Variants in TRIM69 observed in about 807,000 individuals in gnomAD.
TRIM69 encodes E3 ubiquitin-protein ligase TRIM69.
Under a neutral mutation model 37.7 loss-of-function variants are expected in TRIM69, and 29 were observed. The observed-to-expected ratio is 0.77, with a 90% CI of 0.57 to 1.05. The LOEUF (loss-of-function observed/expected upper bound fraction) is 1.05. Ranked by LOEUF, TRIM69 falls within the 50% of genes least tolerant of loss-of-function variation. The probability of loss-of-function intolerance (pLI) is 0.00; values close to 1 mark genes in which losing one functional copy is unlikely to be tolerated. For synonymous variants in TRIM69, 209 were observed against 212.4 expected, an observed-to-expected ratio of 0.98 and a Z score of 0.14; for missense variants, 596 against 579.9, an observed-to-expected ratio of 1.03 and a Z score of -0.28.
intron 1 of TRIM69, among the ~76,000 whole-genome samples, chr15:44,739,734 A>T (rs2087240927): frequency 6.6e-6 from 1 of 151,790 alleles, no homozygotes; most frequent in South Asian, 2.1e-4. Context: ...GGGAAGCTCG[A>T]ACTGGGTGGA....
At chr15:44,741,323 A>G (rs1233212671) in intron 1 of TRIM69, among the ~76,000 whole-genome samples, 2 of 152,044 alleles carry the variant, frequency 1.3e-5, no homozygotes, top group Non-Finnish European at 2.9e-5. Context: ...AGCAGTGTGT[A>G]GAGGGAAATT....
At chr15:44,740,808 T>G (rs1243186718) in intron 1 of TRIM69, among the ~76,000 whole-genome samples, 2 of 151,818 alleles carry the variant, frequency 1.3e-5, no homozygotes, top group African/African-American at 4.8e-5. Context: ...GCACCCAGAT[T>G]CATAAAGCAA....
intron 1 of TRIM69, among the ~76,000 whole-genome samples, chr15:44,738,919 A>T (rs1245920413): frequency 6.6e-6 from 1 of 152,254 alleles, no homozygotes; most frequent in African/African-American, 2.4e-5. Context: ...ACAGAAAAGG[A>T]TATATTATTG....
At position 44,754,954 on chromosome 15, in the gene TRIM69, G is replaced by T; in HGVS notation, c.61G>T (p.Asp21Tyr). ...TCCAGGCGACTATGTTGAAATGAATGATTCAATCACCCACCTACCCTCTAA... is the reference window on the plus strand; with the variant it reads ...TCCAGGCGACTATGTTGAAATGAATTATTCAATCACCCACCTACCCTCTAA... ...IDPGDYVEMN[D>Y]SITHLPSKVV... is the part of the protein sequence containing the mutation. Residue 21 changes from aspartate to tyrosine, a missense_variant, in exon 2 of 7, where the codon GAT (aspartate) becomes TAT (tyrosine). Coordinates refer to ENST00000329464, the MANE Select transcript of TRIM69 (RefSeq NM_182985.5). 6 of 1,614,162 alleles carry T rather than the reference G, an allele frequency of 3.7e-6. No individual in the cohort carries two copies. Among genetic ancestry groups the T allele is most frequent in the Non-Finnish European group, 5.1e-6 (6 of 1,180,016 alleles).
In TRIM69 at chr15:44,767,469, T is replaced by C; in HGVS notation, c.1200T>C (p.Ile400=). The C allele has an allele frequency of 6.2e-7, 1 of 1,614,192 alleles. No homozygotes were observed. Among genetic ancestry groups the C allele is most frequent in the Non-Finnish European group, 8.5e-7 (1 of 1,180,036 alleles). ...TTGGAGTTGTCAGAGAATCCATCAT[T>C]CGGAAGGGCAGCTGTCCTCTAACTC... The part of the protein sequence containing the change: ...WTVGVVRESI[I]RKGSCPLTPE... The change falls in exon 7 of 7, where the codon ATT becomes ATC. Residue 400 remains isoleucine, a synonymous_variant. Transcript: ENST00000329464.
intron 6 of TRIM69, 47 bp downstream of exon 6, chr15:44,759,919 T>A: frequency 5.7e-6 from 9 of 1,581,014 alleles, no homozygotes; most frequent in Non-Finnish European, 7.8e-6. Context: ...CTAATCTACG[T>A]TTAATCTGTG....
At chr15:44,756,561 C>A in intron 3 of TRIM69, 98 bp downstream of exon 3, 1 of 730,062 alleles carries the variant, frequency 1.4e-6, no homozygotes, top group Non-Finnish European at 2.3e-6. Context: ...ATATTATCTA[C>A]ACACTAAATG....
At chr15:44,758,388 G>C in intron 3 of TRIM69, 1 of 612,554 alleles carries the variant, frequency 1.6e-6, no homozygotes. Flanking sequence ...TACTGCAATA[G>C]GAAACTGGAG....
At position 44,760,169 on chromosome 15, in the gene TRIM69, A is replaced by G. The variant is rs1029016187; in HGVS notation, c.961+297A>G. Among the ~76,000 whole-genome samples the G allele has an allele frequency of 4.6e-5, 7 of 152,250 alleles. No individual in the cohort carries two copies. The East Asian group carries it at 1.3e-3, about 29-fold the overall frequency. ...AAATTTTATCTTGTTTTGCTAAATC[A>G]GCTATATGAATCCCAGGGGCTTCTC... On this transcript the variant is annotated intron_variant, in intron 6 of 6. Coordinates refer to ENST00000329464, the MANE Select transcript of TRIM69 (RefSeq NM_182985.5).
chr15:44,754,669 G>A (rs902654908), intron 1 of TRIM69: 2 of 500,128 alleles, frequency 4.0e-6, no homozygotes, highest in African/African-American at 3.9e-5. Flanking sequence ...ACATTTCTTT[G>A]ATTTAGTACT....
At chr15:44,758,900 G>C (rs764664458) in intron 4 of TRIM69, 46 bp downstream of exon 4, 30 of 1,567,634 alleles carry the variant, frequency 1.9e-5, no homozygotes, top group Admixed American at 1.3e-4. Context: ...CCTACCTAGA[G>C]GGGGGAAGAG....
chr15:44,764,540 G>A (rs2087847543), intron 6 of TRIM69, among the ~76,000 whole-genome samples: 1 of 152,158 alleles, frequency 6.6e-6, no homozygotes, highest in Non-Finnish European at 1.5e-5. Flanking sequence ...AAATATTTTA[G>A]GCCTTGCAGG....
intron 1 of TRIM69, among the ~76,000 whole-genome samples, chr15:44,740,012 C>T (rs566282003): frequency 9.2e-5 from 14 of 152,140 alleles, no homozygotes; most frequent in South Asian, 6.2e-4. Context: ...CTCACATGGC[C>T]GGGTACTCCT....
intron 1 of TRIM69, among the ~76,000 whole-genome samples, chr15:44,739,481 A>T (rs1368336189): frequency 6.6e-6 from 1 of 152,224 alleles, no homozygotes; most frequent in Non-Finnish European, 1.5e-5. Context: ...CTAGTCAAAG[A>T]AAGGGGTGAC....
intron 1 of TRIM69, among the ~76,000 whole-genome samples, chr15:44,745,449 A>G: frequency 6.6e-6 from 1 of 152,316 alleles, no homozygotes; most frequent in East Asian, 1.9e-4. Context: ...TCTGATTTCC[A>G]GAGATTTCAC....
chr15:44,744,825 C>G, intron 1 of TRIM69, among the ~76,000 whole-genome samples: 1 of 151,988 alleles, frequency 6.6e-6, no homozygotes, highest in East Asian at 1.9e-4. Context: ...GTTTGTTTAA[C>G]TCAGAACTTT....
intron 2 of TRIM69, 136 bp downstream of exon 2, chr15:44,755,512 G>A (rs183492946): frequency 4.6e-5 from 32 of 693,806 alleles, no homozygotes; most frequent in East Asian, 3.7e-4. Context: ...AAAGTACAAC[G>A]TATCTTGCAA....
In TRIM69 at chr15:44,758,731, A is replaced by G. The variant is rs760746229; in HGVS notation, c.690A>G (p.Lys230=). 1.9e-6 allele frequency: 3 copies of G among 1,614,174 alleles called. No individual in the cohort carries two copies. The South Asian group carries it at 3.3e-5, about 18-fold the overall frequency. ...DILTELREEG[K]ALNEEMELNL... Reference sequence around the variant, plus strand: ...TAACTGAGCTCCGGGAAGAGGGGAAAGCCTTGAATGAGGAGATGGAGTTGA... The same window carrying G: ...TAACTGAGCTCCGGGAAGAGGGGAAGGCCTTGAATGAGGAGATGGAGTTGA... Residue 230 remains lysine (K), a synonymous_variant, in exon 4 of 7, where the codon AAA becomes AAG. Transcript: ENST00000329464.
chr15:44,753,845 G>A (rs1406456616), intron 1 of TRIM69: 2 of 152,062 alleles, frequency 1.3e-5, no homozygotes, highest in African/African-American at 4.8e-5. Context: ...CTCCCAAGTA[G>A]CAGGGATTAC....
Sources: allele counts gnomAD v4.1 joint callset (sites outside exome capture counted in the v4.1 genomes callset), GRCh38; gene constraint gnomAD v4.1.1; transcripts MANE v1.5; gene names NCBI Gene and HGNC (gene_info 2026-07-23, HGNC 2026-07-21).